RB1: variants seen among roughly 807,000 people sequenced by gnomAD.
RB1 encodes retinoblastoma-associated protein.
RB1 carries 18 observed loss-of-function variants against 135.4 expected under a neutral mutation model. That is an observed-to-expected ratio of 0.13 (90% CI 0.09 to 0.20). The LOEUF (loss-of-function observed/expected upper bound fraction) is 0.20. Ranked by LOEUF, RB1 falls within the 10% of genes least tolerant of loss-of-function variation. RB1 has a pLI of 1.00. For synonymous variants in RB1, 365 were observed against 373.2 expected (o/e 0.98, Z 0.25); for missense variants, 868 against 1,110.0 (o/e 0.78, Z 3.10).
In RB1 at chr13:48,348,998, T is replaced by C; in HGVS notation, c.582T>C (p.Ser194=). The change falls in exon 6 of 27, where the codon TCT becomes TCC. Residue 194 remains serine, a synonymous_variant. Coordinates refer to ENST00000267163, the MANE Select transcript of RB1 (RefSeq NM_000321.3). ...ATTCTGCATTGGTGCTAAAAGTTTC[T>C]TGGATCACATTTTTATTAGCTAAAG... is the stretch of plus-strand genomic sequence containing the variant. ...EINSALVLKV[S]WITFLLAKGE... is the part of the protein sequence containing the mutation. The C allele has an allele frequency of 6.2e-7, 1 of 1,601,108 alleles. No individual in the cohort carries two copies.
intron 17 of RB1, among the ~76,000 whole-genome samples, chr13:48,394,904 C>A (rs1948636163): frequency 6.6e-6 from 1 of 152,228 alleles, no homozygotes; most frequent in South Asian, 2.1e-4. Context: ...TGCTAAGGGA[C>A]AGACTGTCTC....
chr13:48,419,225 A>G (rs1395263482), intron 17 of RB1, among the ~76,000 whole-genome samples: 2 of 152,250 alleles, frequency 1.3e-5, no homozygotes, highest in African/African-American at 4.8e-5. Context: ...ACTCAGGATT[A>G]AGAAACTCAC....
chr13:48,450,528 C>T (rs1949320381), intron 17 of RB1, among the ~76,000 whole-genome samples: 1 of 152,078 alleles, frequency 6.6e-6, no homozygotes, highest in Non-Finnish European at 1.5e-5. Context: ...TGTGTGTCTG[C>T]TTTTGTACTA....
chr13:48,346,128 T>A (rs1952494758), intron 4 of RB1, among the ~76,000 whole-genome samples: 1 of 149,520 alleles, frequency 6.7e-6, no homozygotes, highest in South Asian at 2.1e-4. Flanking sequence ...TGGTCTTTTC[T>A]TGATGAGAAT....
In RB1 at chr13:48,367,609, G is replaced by T; in HGVS notation, c.1049+6G>T. ...CAGACTGATTCTATAGACAGGTATT[G>T]CACATGGTATATTTGATTGATTTGC... On this transcript the variant is annotated splice_donor_region_variant and intron_variant, in intron 10 of 26. Coordinates refer to ENST00000267163, the MANE Select transcript of RB1 (RefSeq NM_000321.3). 2 of 1,601,158 alleles carry T rather than the reference G, an allele frequency of 1.2e-6. No homozygotes were observed. Among genetic ancestry groups the T allele is most frequent in the Non-Finnish European group, 1.7e-6 (2 of 1,172,142 alleles).
chr13:48,400,967 C>T (rs1948686673), intron 17 of RB1, among the ~76,000 whole-genome samples: 1 of 152,072 alleles, frequency 6.6e-6, no homozygotes, highest in African/African-American at 2.4e-5. Flanking sequence ...ATCACCTTCT[C>T]AAAATGGAAA....
chr13:48,424,379 G>C (rs1223387949), intron 17 of RB1, among the ~76,000 whole-genome samples: 3 of 152,118 alleles, frequency 2.0e-5, no homozygotes, highest in Non-Finnish European at 2.9e-5. Context: ...TCAAAGAGTT[G>C]AACCAACTTT....
chr13:48,470,757 AC>A lies in RB1; in HGVS notation c.2490-2602del, dbSNP rs1949463756. On this transcript the variant is annotated intron_variant, in intron 23 of 26. Coordinates refer to ENST00000267163, the MANE Select transcript of RB1 (RefSeq NM_000321.3). ...ATCAAAAAGTGGGCGAAGGACATGA[AC>A]AGACACTTCTCAAAAGAAGACATTT... is the stretch of plus-strand genomic sequence containing the variant. 6.9e-4 allele frequency among the ~76,000 whole-genome samples: 13 copies of A among 18,974 alleles called. 6 individuals carry two copies. In the South Asian group the frequency reaches 0.049, roughly 71 times the overall value. 12.4% of individuals were successfully genotyped at this position (18,974 alleles called of 152,430 possible).
At chr13:48,312,699 G>C (rs185140091) in intron 2 of RB1, among the ~76,000 whole-genome samples, 1 of 152,088 alleles carries the variant, frequency 6.6e-6, no homozygotes, top group South Asian at 2.1e-4. Flanking sequence ...TTTACCAGCA[G>C]TGCTTGGTTT....
intron 9 of RB1, 136 bp downstream of exon 9, chr13:48,365,107 T>G: frequency 8.9e-7 from 1 of 1,129,576 alleles, no homozygotes; most frequent in Non-Finnish European, 1.2e-6. Flanking sequence ...CAAGTAGAAT[T>G]GTGGTGAAAC....
chr13:48,429,607 C>A, intron 17 of RB1: 1 of 151,684 alleles, frequency 6.6e-6, no homozygotes, highest in East Asian at 1.9e-4. Flanking sequence ...AAACAAAAAA[C>A]CTTGACCTTA....
At chr13:48,362,746 A>G (rs2138111779) in intron 7 of RB1, 69 bp from the exon 8 acceptor site, 2 of 1,496,664 alleles carry the variant, frequency 1.3e-6, no homozygotes, top group Non-Finnish European at 9.3e-7. Context: ...CCTAAGTTAT[A>G]GTTAGAATAC....
intron 8 of RB1, 110 bp downstream of exon 8, chr13:48,363,067 GCTAA>G (rs1192632630): frequency 4.4e-6 from 6 of 1,365,786 alleles, no homozygotes; most frequent in African/African-American, 2.9e-5. Flanking sequence ...TGTAATTAGT[GCTAA>G]CTCTTTTGCA....
chr13:48,361,504 C>T (rs1267418645), intron 7 of RB1, among the ~76,000 whole-genome samples: 1 of 152,136 alleles, frequency 6.6e-6, no homozygotes, highest in Non-Finnish European at 1.5e-5. Context: ...CATACCATTT[C>T]ATCCTTATAC....
chr13:48,357,078 T>C (rs1009994689), intron 6 of RB1, among the ~76,000 whole-genome samples: 3 of 151,902 alleles, frequency 2.0e-5, no homozygotes, highest in Non-Finnish European at 4.4e-5. Flanking sequence ...ATTTTGTTAT[T>C]CTGTATTAGC....
At chr13:48,424,978 T>C (rs1233174305) in intron 17 of RB1, among the ~76,000 whole-genome samples, 1 of 151,762 alleles carries the variant, frequency 6.6e-6, no homozygotes, top group Non-Finnish European at 1.5e-5. Flanking sequence ...CACTTGAACC[T>C]GGGAAGCAGA....
intron 7 of RB1, among the ~76,000 whole-genome samples, chr13:48,361,139 A>G (rs913914710): frequency 1.3e-5 from 2 of 152,174 alleles, no homozygotes; most frequent in Admixed American, 6.5e-5. Flanking sequence ...CCCAAATTTT[A>G]TAAATTTCCT....
intron 17 of RB1, among the ~76,000 whole-genome samples, chr13:48,395,566 G>A (rs1339162091): frequency 1.3e-5 from 2 of 151,298 alleles, no homozygotes; most frequent in African/African-American, 4.9e-5. Context: ...AACACAACAC[G>A]AGGACTTTGT....
chr13:48,303,981 G>C lies in RB1; in HGVS notation c.69G>C (p.Pro23=), dbSNP rs746662122. ...AAAAAAEPPA[P]PPPPPPEEDP... ...CTGCCGCCGCGGAACCCCCGGCACC[G>C]CCGCCGCCGCCCCCTCCTGAGGAGG... is the stretch of plus-strand genomic sequence containing the variant. Residue 23 remains proline (P), a synonymous_variant, in exon 1 of 27, where the codon CCG becomes CCC. Coordinates refer to ENST00000267163, the MANE Select transcript of RB1 (RefSeq NM_000321.3). 21 of 1,491,178 alleles carry C rather than the reference G, an allele frequency of 1.4e-5. No homozygotes were observed. In the South Asian group the frequency reaches 2.5e-4, roughly 18 times the overall value. 92.4% of individuals were successfully genotyped at this position (1,491,178 alleles called of 1,614,324 possible). A position where few individuals can be genotyped will look rare whatever the true frequency, so the allele number is the denominator to read the frequency against.
Sources: allele counts gnomAD v4.1 joint callset (sites outside exome capture counted in the v4.1 genomes callset), GRCh38; gene constraint gnomAD v4.1.1; transcripts MANE v1.5; gene names NCBI Gene and HGNC (gene_info 2026-07-23, HGNC 2026-07-21).